The following SUGCT variants were observed in gnomAD, a reference collection of about 807,000 sequenced individuals.
SUGCT encodes the protein succinyl-CoA:glutarate-CoA transferase, also known as succinyl-CoA:glutarate CoA-transferase.
A neutral mutation model predicts 55.0 loss-of-function variants in SUGCT; 41 were observed. The observed-to-expected ratio is 0.74, with a 90% confidence interval of 0.58 to 0.97. The LOEUF (loss-of-function observed/expected upper bound fraction) is 0.97. Among genes scored for constraint, SUGCT ranks in the 50% least tolerant of loss-of-function variants. The pLI is 0.00. For synonymous variants in SUGCT, 187 were observed against 200.4 expected (o/e 0.93, Z 0.56); for missense variants, 568 against 547.8 (o/e 1.04, Z -0.37).
In SUGCT at chr7:40,209,362, G is replaced by A. The variant is rs372350435; in HGVS notation, c.484+14302G>A. ...AAATACAAAAAATTAGCCGAGCGTGGTGGCACTTGCCTGTAGTCCCAGACA... is the reference window on the plus strand; with the variant it reads ...AAATACAAAAAATTAGCCGAGCGTGATGGCACTTGCCTGTAGTCCCAGACA... On this transcript the variant is annotated intron_variant, in intron 6 of 13. Transcript: ENST00000335693. 6.2e-4 allele frequency among the ~76,000 whole-genome samples: 94 copies of A among 152,236 alleles called. 2 individuals are homozygous for A. The South Asian group carries it at 0.018, about 29-fold the overall frequency.
At chr7:40,375,448 A>G (rs1357151057) in intron 9 of SUGCT, among the ~76,000 whole-genome samples, 1 of 152,170 alleles carries the variant, frequency 6.6e-6, no homozygotes, top group African/African-American at 2.4e-5. Flanking sequence ...TTATAAAAAA[A>G]TTATCATATC....
chr7:40,666,542 G>T (rs142705842), intron 12 of SUGCT, among the ~76,000 whole-genome samples: 473 of 148,162 alleles, frequency 3.2e-3, no homozygotes, highest in Middle Eastern at 0.018. Flanking sequence ...GAAGAAGGAA[G>T]TAGTGGGCGG....
At chr7:40,439,225 G>T in intron 9 of SUGCT, among the ~76,000 whole-genome samples, 1 of 149,928 alleles carries the variant, frequency 6.7e-6, no homozygotes, top group East Asian at 2.0e-4. Flanking sequence ...TTTAATCACT[G>T]ATTGAAGCAT....
Position 40,288,141 on chromosome 7 carries a change from A to G in SUGCT, c.720+13485A>G, listed in dbSNP as rs374132569. On this transcript the variant is annotated intron_variant, in intron 8 of 13. Transcript: ENST00000335693. The stretch of plus-strand genomic sequence containing the variant: ...AGGGATATTGGTCTTTACGGTCTGT[A>G]GTTTTCTTATGATGTTTTTGGTGTC... Among the ~76,000 whole-genome samples, 157 of 152,216 alleles carry G rather than the reference A, an allele frequency of 1.0e-3. No individual in the cohort carries two copies. In the Middle Eastern group the frequency reaches 0.02, roughly 20 times the overall value.
At chr7:40,634,927 T>C (rs988085270) in intron 12 of SUGCT, among the ~76,000 whole-genome samples, 1 of 152,182 alleles carries the variant, frequency 6.6e-6, no homozygotes, top group African/African-American at 2.4e-5. Flanking sequence ...GTTTAAATGT[T>C]TGAAAAAGAC....
the SUGCT span, among the ~76,000 whole-genome samples, chr7:41,024,083 A>C: frequency 6.6e-6 from 1 of 152,240 alleles, no homozygotes; most frequent in Non-Finnish European, 1.5e-5. Context: ...AGATGCCCTT[A>C]GTGGCATTGC....
At chr7:40,602,769 C>G (rs1172416456) in intron 12 of SUGCT, among the ~76,000 whole-genome samples, 1 of 152,144 alleles carries the variant, frequency 6.6e-6, no homozygotes, top group African/African-American at 2.4e-5. Flanking sequence ...TTTTTGTCAT[C>G]CATTCTAATC....
At chr7:40,630,116 C>T (rs996772095) in intron 12 of SUGCT, among the ~76,000 whole-genome samples, 7 of 152,240 alleles carry the variant, frequency 4.6e-5, no homozygotes, top group East Asian at 1.9e-4. Context: ...AGCGATCCTA[C>T]GCTTTGCGCC....
intron 13 of SUGCT, among the ~76,000 whole-genome samples, chr7:40,846,414 C>T (rs1359664986): frequency 1.3e-5 from 2 of 150,502 alleles, no homozygotes; most frequent in African/African-American, 2.4e-5. Flanking sequence ...TTCTTCCAGT[C>T]CCACATTTTT....
chr7:40,694,470 T>G (rs1784837177), intron 12 of SUGCT, among the ~76,000 whole-genome samples: 1 of 152,232 alleles, frequency 6.6e-6, no homozygotes, highest in African/African-American at 2.4e-5. Flanking sequence ...ATTCTTGATG[T>G]CGAGCCTTTT....
intron 13 of SUGCT, among the ~76,000 whole-genome samples, chr7:40,775,232 C>T (rs1398223994): frequency 6.6e-6 from 1 of 152,188 alleles, no homozygotes; most frequent in Non-Finnish European, 1.5e-5. Context: ...CCTGAAGGGC[C>T]CATGCACACT....
chr7:40,510,189 A>C (rs1000866543), intron 12 of SUGCT, among the ~76,000 whole-genome samples: 6 of 152,076 alleles, frequency 3.9e-5, no homozygotes, highest in Non-Finnish European at 8.8e-5. Context: ...AGTTTTGGAA[A>C]TGTATATAGA....
chr7:40,836,625 A>G (rs1274010561), intron 13 of SUGCT, among the ~76,000 whole-genome samples: 2 of 152,144 alleles, frequency 1.3e-5, no homozygotes, highest in East Asian at 1.9e-4. Flanking sequence ...CCCTCCTTCT[A>G]TAATTCCTGT....
chr7:40,508,990 T>C (rs1792774217), intron 12 of SUGCT, among the ~76,000 whole-genome samples: 1 of 152,168 alleles, frequency 6.6e-6, no homozygotes. Context: ...TCGCTTTTTT[T>C]TTTGAAAGAA....
intron 8 of SUGCT, among the ~76,000 whole-genome samples, chr7:40,303,343 G>GTTTC (rs1032039604): frequency 3.9e-5 from 6 of 152,180 alleles, no homozygotes; most frequent in Admixed American, 1.3e-4. Context: ...CAAGAAAGCT[G>GTTTC]TTTCTATAAA....
At chr7:40,779,491 A>G (rs1562999221) in intron 13 of SUGCT, among the ~76,000 whole-genome samples, 7 of 152,146 alleles carry the variant, frequency 4.6e-5, no homozygotes, top group Admixed American at 2.6e-4. Flanking sequence ...GGTCAGCACA[A>G]ACATTATACA....
intron 1 of SUGCT, among the ~76,000 whole-genome samples, chr7:40,166,881 C>A: frequency 9.8e-6 from 1 of 102,320 alleles, no homozygotes; most frequent in African/African-American, 4.7e-5. Context: ...AGTGAGACTC[C>A]ACCTCAAAAA....
chr7:40,683,816 C>T (rs1784354969), intron 12 of SUGCT, among the ~76,000 whole-genome samples: 1 of 152,192 alleles, frequency 6.6e-6, no homozygotes, highest in Admixed American at 6.5e-5. Flanking sequence ...CTATTATTGC[C>T]ATCACAAAGT....
rs188925714 is a variant in SUGCT, at chr7:40,653,201, C to T, written c.1090-96233C>T. On this transcript the variant is annotated intron_variant, in intron 12 of 13. Transcript: ENST00000335693. ...GGAAGTTTCTAGTTTACCTCTGATTCCCCAGATCCTGGTCTAGCACCTGGC... is the reference window on the plus strand; with the variant it reads ...GGAAGTTTCTAGTTTACCTCTGATTTCCCAGATCCTGGTCTAGCACCTGGC... 1.0e-3 allele frequency among the ~76,000 whole-genome samples: 157 copies of T among 152,302 alleles called. 1 individual carries two copies. Among genetic ancestry groups the T allele is most frequent in the Non-Finnish European group, 1.9e-3 (126 of 68,036 alleles).
Sources: gnomAD v4.1 joint callset for allele counts (sites outside exome capture counted in the v4.1 genomes callset) on GRCh38, gnomAD v4.1.1 for gene constraint, MANE v1.5 for transcripts, NCBI Gene and HGNC (gene_info 2026-07-23, HGNC 2026-07-21) for gene names.